Variants in AMZ1 observed in about 807,000 individuals in gnomAD.
AMZ1 encodes archaelysin family metallopeptidase 1.
Under a neutral mutation model 29.9 loss-of-function variants are expected in AMZ1, and 39 were observed. The ratio of observed to expected loss-of-function variants is 1.30; its 90% confidence interval spans 1.01 to 1.70. AMZ1 has a LOEUF of 1.70. Among genes scored for constraint, AMZ1 ranks in the 40% most tolerant of loss-of-function variants. The pLI is 0.00. For synonymous variants in AMZ1, 458 were observed against 304.0 expected (o/e 1.51, Z -5.27); for missense variants, 1,041 against 680.6 (o/e 1.53, Z -5.89).
chr7:2,695,524 C>T (rs1787657079), intron 1 of AMZ1, among the ~76,000 whole-genome samples: 1 of 151,034 alleles, frequency 6.6e-6, no homozygotes, highest in African/African-American at 2.4e-5. Context: ...CAAGACCAGC[C>T]TGGGCAACAT....
chr7:2,711,045 C>T (rs181197794), intron 6 of AMZ1, among the ~76,000 whole-genome samples: 1 of 152,324 alleles, frequency 6.6e-6, no homozygotes, highest in Non-Finnish European at 1.5e-5. Context: ...ATGCCCCTCC[C>T]TACACGTGCT....
upstream of AMZ1, among the ~76,000 whole-genome samples, chr7:2,685,840 G>C (rs1214556303): frequency 1.4e-5 from 2 of 141,942 alleles, no homozygotes; most frequent in Non-Finnish European, 3.0e-5. Flanking sequence ...GTGACAGAGC[G>C]AGACTCCGTC....
chr7:2,699,292 G>A (rs182888310), intron 1 of AMZ1, among the ~76,000 whole-genome samples: 17 of 152,240 alleles, frequency 1.1e-4, no homozygotes, highest in South Asian at 2.1e-4. Flanking sequence ...CTGCTGCTCC[G>A]GTCAGAGCAT....
chr7:2,681,776 G>C (rs1261675713), intron 1 of AMZ1, among the ~76,000 whole-genome samples: 1 of 152,188 alleles, frequency 6.6e-6, no homozygotes, highest in Non-Finnish European at 1.5e-5. Context: ...CAGCATGAGA[G>C]GGTAGGAGAC....
At chr7:2,724,207 C>T (rs1226102230), downstream of AMZ1, among the ~76,000 whole-genome samples, 1 of 152,246 alleles carries the variant, frequency 6.6e-6, no homozygotes, top group African/African-American at 2.4e-5. Context: ...GCATGAGCCA[C>T]TGCGCCCGGC....
chr7:2,734,808 G>A (rs1790077530), intron 4 of AMZ1, among the ~76,000 whole-genome samples: 1 of 152,222 alleles, frequency 6.6e-6, no homozygotes, highest in Non-Finnish European at 1.5e-5. Flanking sequence ...CTCTGTGGCA[G>A]GACGGGGCGA....
chr7:2,724,007 G>C (rs62441389), downstream of AMZ1, among the ~76,000 whole-genome samples: 2 of 151,962 alleles, frequency 1.3e-5, no homozygotes, highest in Non-Finnish European at 2.9e-5. Context: ...CCTGGGTTCA[G>C]GCAATTCTCT....
chr7:2,706,557 C>T (rs925577225), intron 3 of AMZ1, among the ~76,000 whole-genome samples: 68 of 152,348 alleles, frequency 4.5e-4, no homozygotes, highest in African/African-American at 1.5e-3. Flanking sequence ...TCCTGGCTGC[C>T]TCCAGCTTCT....
At position 2,715,864 on chromosome 7, in the gene AMZ1, C is replaced by G. The variant is rs1789092516; in HGVS notation, c.*2986C>G. On this transcript the variant is annotated 3_prime_UTR_variant, in exon 7 of 7. Coordinates refer to ENST00000683327, the MANE Select transcript of AMZ1 (RefSeq NM_001384743.1). ...AAACTTAAGTGCTGCAGAAGTTGAA[C>G]TGAGATTAAATTTAGAGATGATGGT... 2.0e-5 allele frequency: 3 copies of G among 152,172 alleles called. No homozygotes were observed. The South Asian group carries it at 6.2e-4, about 32-fold the overall frequency. 9.4% of individuals were successfully genotyped at this position (152,172 alleles called of 1,614,324 possible).
At chr7:2,681,086 C>G (rs911993950) in intron 1 of AMZ1, among the ~76,000 whole-genome samples, 1 of 152,242 alleles carries the variant, frequency 6.6e-6, no homozygotes, top group African/African-American at 2.4e-5. Context: ...TCCCATCCAT[C>G]TTAGAACTAC....
chr7:2,723,450 C>T (rs552457248), downstream of AMZ1, among the ~76,000 whole-genome samples: 84 of 152,370 alleles, frequency 5.5e-4, no homozygotes, highest in Admixed American at 1.4e-3. Context: ...TGTCCTCGGC[C>T]TAGTTTGTAC....
At chr7:2,743,721 A>T (rs965552214) in intron 4 of AMZ1, among the ~76,000 whole-genome samples, 1 of 152,162 alleles carries the variant, frequency 6.6e-6, no homozygotes, top group African/African-American at 2.4e-5. Flanking sequence ...AAGCAGGGCG[A>T]GGCACTGCCT....
At chr7:2,726,019 C>T (rs558854793) in intron 4 of AMZ1, among the ~76,000 whole-genome samples, 3 of 152,318 alleles carry the variant, frequency 2.0e-5, no homozygotes, top group South Asian at 4.1e-4. Context: ...CATCTCTCCC[C>T]GGGGCTGCTG....
chr7:2,700,437 C>T lies in AMZ1; in HGVS notation c.-15C>T. 6.3e-7 allele frequency: 1 copy of T among 1,591,932 alleles called. No homozygotes were observed. The highest frequency in any genetic ancestry group is 8.5e-7 in the Non-Finnish European group (1 of 1,175,164). On this transcript the variant is annotated 5_prime_UTR_variant, in exon 2 of 7. Transcript: ENST00000683327. ...GCAGGGGCTCCCAGGAGTGGCCAGG[C>T]CCTGCCCGCCCACCATGCTGCAGTG... is the stretch of plus-strand genomic sequence containing the variant.
chr7:2,717,122 G>C lies in AMZ1; in HGVS notation c.*4244G>C, dbSNP rs1047511392. 3.9e-5 allele frequency among the ~76,000 whole-genome samples: 6 copies of C among 152,236 alleles called. No homozygotes were observed. Among genetic ancestry groups the C allele is most frequent in the Admixed American group, 2.0e-4 (3 of 15,292 alleles). ...ACCAGGAGGCTTTCTGGCCCGTGCAGCTCCTTCGGACTCTGAGGAGAGGCC... is the reference window on the plus strand; with the variant it reads ...ACCAGGAGGCTTTCTGGCCCGTGCACCTCCTTCGGACTCTGAGGAGAGGCC... On this transcript the variant is annotated 3_prime_UTR_variant, in exon 7 of 7. Transcript: ENST00000683327.
Position 2,690,260 on chromosome 7 carries a change from C to A in AMZ1, c.-219+1964C>A, listed in dbSNP as rs189371095. On this transcript the variant is annotated intron_variant, in intron 1 of 6. Coordinates refer to ENST00000683327, the MANE Select transcript of AMZ1 (RefSeq NM_001384743.1). ...GACAGACAGGGTCTTGCTCTGTCTT[C>A]CAGGCTGGAATGCAGTGATGCAATC... is the stretch of plus-strand genomic sequence containing the variant. Among the ~76,000 whole-genome samples, 118 of 152,216 alleles carry A rather than the reference C, an allele frequency of 7.8e-4. 1 individual carries two copies. The highest frequency in any genetic ancestry group is 2.6e-3 in the African/African-American group (107 of 41,526).
intron 4 of AMZ1, among the ~76,000 whole-genome samples, chr7:2,754,176 G>A (rs1254660437): frequency 6.6e-6 from 1 of 152,194 alleles, no homozygotes; most frequent in African/African-American, 2.4e-5. Flanking sequence ...TAGGTGTGTA[G>A]TGCTAGCTCA....
At chr7:2,697,747 G>A (rs1787829453) in intron 1 of AMZ1, among the ~76,000 whole-genome samples, 1 of 152,150 alleles carries the variant, frequency 6.6e-6, no homozygotes, top group African/African-American at 2.4e-5. Context: ...TTTGTAGAAT[G>A]TTTAAGAATT....
Position 2,716,773 on chromosome 7 carries a change from C to A in AMZ1, c.*3895C>A, listed in dbSNP as rs543897228. On this transcript the variant is annotated 3_prime_UTR_variant, in exon 7 of 7. Transcript: ENST00000683327. ...CAGTCAACTCCACCGCTTAAGGGGTCCTTCCTATGTAACGGAATTTTTTTA... is the reference window on the plus strand; with the variant it reads ...CAGTCAACTCCACCGCTTAAGGGGTACTTCCTATGTAACGGAATTTTTTTA... 1.6e-4 allele frequency among the ~76,000 whole-genome samples: 25 copies of A among 152,340 alleles called. No individual in the cohort carries two copies. In the East Asian group the frequency reaches 4.3e-3, roughly 26 times the overall value.
Sources: allele counts gnomAD v4.1 joint callset (sites outside exome capture counted in the v4.1 genomes callset), GRCh38; gene constraint gnomAD v4.1.1; transcripts MANE v1.5; gene names NCBI Gene and HGNC (gene_info 2026-07-23, HGNC 2026-07-21).